Variants in DSTYK observed in about 807,000 individuals in gnomAD.
The protein encoded by DSTYK is dual serine/threonine and tyrosine protein kinase.
DSTYK carries 34 observed loss-of-function variants against 98.7 expected under a neutral mutation model. The ratio of observed to expected loss-of-function variants is 0.34; its 90% CI spans 0.26 to 0.46. DSTYK has a LOEUF of 0.46. Among genes scored for constraint, DSTYK ranks in the 20% least tolerant of loss-of-function variants. DSTYK has a pLI of 1.00. For missense variants in DSTYK, 962 were observed against 1,181.7 expected (o/e 0.81, Z 2.73); for synonymous variants, 462 against 457.3 (o/e 1.01, Z -0.13).
intron 1 of DSTYK, among the ~76,000 whole-genome samples, chr1:205,206,607 G>C (rs1478777159): frequency 7.5e-6 from 1 of 133,474 alleles, no homozygotes; most frequent in Non-Finnish European, 1.6e-5. Flanking sequence ...TTTAAAGACA[G>C]AGTCTTGCTT....
chr1:205,178,686 G>A (rs920575459), intron 2 of DSTYK, among the ~76,000 whole-genome samples: 4 of 152,188 alleles, frequency 2.6e-5, no homozygotes, highest in African/African-American at 9.6e-5. Flanking sequence ...GTGGATGATC[G>A]TCAGGGAAAG....
chr1:205,185,405 G>T (rs1191470715), intron 2 of DSTYK, among the ~76,000 whole-genome samples: 1 of 151,722 alleles, frequency 6.6e-6, no homozygotes, highest in Non-Finnish European at 1.5e-5. Context: ...TAGAGACAGG[G>T]TCTCACTATG....
chr1:205,207,990 C>T (rs993169973), intron 1 of DSTYK, among the ~76,000 whole-genome samples: 2 of 151,852 alleles, frequency 1.3e-5, no homozygotes, highest in Admixed American at 1.3e-4. Context: ...GATTCTCCTG[C>T]CTCAGCCTTC....
chr1:205,169,733 G>A lies in DSTYK; in HGVS notation c.754C>T (p.Leu252Phe). The A allele has an allele frequency of 6.2e-7, 1 of 1,614,240 alleles. No homozygotes were observed. ...CTCTCAGAGAGTTCATCTTTGTGGA[G>A]TGCATAGGTTATCACAGGCAAGAAA... The part of the protein sequence containing the change: ...NDFLPVITYA[L>F]HKDELSERDE... The change falls in exon 3 of 13, where the codon CTC becomes TTC. Residue 252 changes from leucine (L) to phenylalanine (F), a missense_variant. By Grantham distance (22) the Leu-to-Phe change is conservative. Around this residue, in one of 4 missense-constraint regions of DSTYK, gnomAD observed 660 missense variants for 855.0 expected, o/e 0.77. Coordinates refer to ENST00000367162, the MANE Select transcript of DSTYK (RefSeq NM_015375.3). This position sits in a 1 kb window ranked among gnomAD's most constrained non-coding sequence, Gnocchi z 4.0.
chr1:205,188,275 T>C (rs1658614966), intron 1 of DSTYK, among the ~76,000 whole-genome samples: 1 of 152,214 alleles, frequency 6.6e-6, no homozygotes, highest in Non-Finnish European at 1.5e-5. Flanking sequence ...TGAACTCAGA[T>C]TACAGTCGTG....
At position 205,209,192 on chromosome 1, in the gene DSTYK, G is replaced by C. The variant is rs115965133; in HGVS notation, c.265+2079C>G. Among the ~76,000 whole-genome samples the C allele has an allele frequency of 3.3e-5, 5 of 152,242 alleles. No individual in the cohort carries two copies. In the East Asian group the frequency reaches 7.7e-4, roughly 23 times the overall value. ...GCCTTGAAAACCTCCATCTCTCTGAGGTTAATCAATTCTCTTTGTTTTAGA... is the reference window on the plus strand; with the variant it reads ...GCCTTGAAAACCTCCATCTCTCTGACGTTAATCAATTCTCTTTGTTTTAGA... On this transcript the variant is annotated intron_variant, in intron 1 of 12. Transcript: ENST00000367162.
At chr1:205,195,710 G>A (rs1558623630) in intron 1 of DSTYK, among the ~76,000 whole-genome samples, 1 of 152,220 alleles carries the variant, frequency 6.6e-6, no homozygotes. Flanking sequence ...TCAGGACCAC[G>A]TTAAGATCTC....
chr1:205,191,679 G>A (rs1370191312), intron 1 of DSTYK, among the ~76,000 whole-genome samples: 1 of 152,162 alleles, frequency 6.6e-6, no homozygotes, highest in Admixed American at 6.6e-5. Context: ...TATAACTGCA[G>A]AACAAAAAGT....
In DSTYK at chr1:205,206,287, T is replaced by G. The variant is rs113701727; in HGVS notation, c.265+4984A>C. Among the ~76,000 whole-genome samples the G allele has an allele frequency of 9.3e-3, 1,405 of 151,762 alleles. 33 individuals are homozygous for G. Among genetic ancestry groups the G allele is most frequent in the African/African-American group, 0.032 (1,344 of 41,470 alleles). On this transcript the variant is annotated intron_variant, in intron 1 of 12. Coordinates refer to ENST00000367162, the MANE Select transcript of DSTYK (RefSeq NM_015375.3). Reference sequence around the variant, plus strand: ...GGTTTTTTTTGGTTTTTTTTTTAGTTTTTTGTTTTTGAGACAGAGTCTCGC... The same window carrying G: ...GGTTTTTTTTGGTTTTTTTTTTAGTGTTTTGTTTTTGAGACAGAGTCTCGC...
chr1:205,199,667 T>C (rs774837865), intron 1 of DSTYK, among the ~76,000 whole-genome samples: 5 of 152,004 alleles, frequency 3.3e-5, no homozygotes, highest in African/African-American at 4.8e-5. Context: ...TGAGGTAAAA[T>C]AGAAAAACTG....
intron 2 of DSTYK, among the ~76,000 whole-genome samples, chr1:205,178,627 T>C (rs1202502436): frequency 6.6e-6 from 1 of 152,148 alleles, no homozygotes; most frequent in African/African-American, 2.4e-5. Flanking sequence ...GAAGAATAAC[T>C]ATAAGTAAGT....
chr1:205,169,206 C>G lies in DSTYK; in HGVS notation c.1281G>C (p.Met427Ile), dbSNP rs1192786268. Residue 427 changes from methionine to isoleucine, a missense_variant, in exon 3 of 13, where the codon ATG (methionine) becomes ATC (isoleucine). Met to Ile is a conservative substitution (Grantham distance 10). Coordinates refer to ENST00000367162, the MANE Select transcript of DSTYK (RefSeq NM_015375.3). This position sits in a 1 kb window ranked among gnomAD's most constrained non-coding sequence, Gnocchi z 4.0. The part of the protein sequence containing the change: ...KDMIVETLNT[M>I]KEELLDDATN... ...TAGCATCATCCAGAAGTTCCTCCTT[C>G]ATGGTATTAAGTGTCTCAACAATCA... 4.3e-6 allele frequency: 7 copies of G among 1,611,508 alleles called. No homozygotes were observed. Among genetic ancestry groups the G allele is most frequent in the Non-Finnish European group, 5.9e-6 (7 of 1,178,542 alleles).
intron 2 of DSTYK, among the ~76,000 whole-genome samples, chr1:205,185,253 A>G (rs1188203113): frequency 6.6e-6 from 1 of 152,224 alleles, no homozygotes; most frequent in Non-Finnish European, 1.5e-5. Flanking sequence ...AGGGACTAAG[A>G]GAAAAAAGTC....
rs962746435 is a variant in DSTYK at position 205,211,313 on chromosome 1, G to A, written c.223C>T (p.Arg75Cys). 38 of 1,609,330 alleles carry A rather than the reference G, an allele frequency of 2.4e-5. No individual in the cohort carries two copies. Among genetic ancestry groups the A allele is most frequent in the Non-Finnish European group, 3.1e-5 (37 of 1,178,368 alleles). The change falls in exon 1 of 13, where the codon CGC becomes TGC. Residue 75 changes from arginine (R) to cysteine (C), a missense_variant. By Grantham distance (180) the Arg-to-Cys change is radical. Coordinates refer to ENST00000367162, the MANE Select transcript of DSTYK (RefSeq NM_015375.3). ...SSLTGGGGAE[R>C]GPAGDVAETG... is the part of the protein sequence containing the mutation. ...TCGGCGACATCGCCTGCAGGGCCGCGCTCGGCCCCGCCGCCGCCCGTGAGG... is the reference window on the plus strand; with the variant it reads ...TCGGCGACATCGCCTGCAGGGCCGCACTCGGCCCCGCCGCCGCCCGTGAGG...
intron 1 of DSTYK, among the ~76,000 whole-genome samples, chr1:205,208,939 G>C (rs975135732): frequency 1.3e-5 from 2 of 152,120 alleles, no homozygotes; most frequent in African/African-American, 4.8e-5. Context: ...ACGCTGAAAG[G>C]AAGAAAAGCA....
chr1:205,197,969 G>A (rs956675237), intron 1 of DSTYK, among the ~76,000 whole-genome samples: 8 of 152,162 alleles, frequency 5.3e-5, no homozygotes, highest in African/African-American at 1.4e-4. Flanking sequence ...TGAGGCGGGC[G>A]GATCACCTGA....
In DSTYK at chr1:205,157,261, G is replaced by A; in HGVS notation, c.2352+12C>T. Reference sequence around the variant, plus strand: ...GGTAGGGTATAATCTTGGGGAAACAGCTTTTACTTACCAGCACATTTTTCA... The same window carrying A: ...GGTAGGGTATAATCTTGGGGAAACAACTTTTACTTACCAGCACATTTTTCA... On this transcript the variant is annotated intron_variant, in intron 10 of 12. Coordinates refer to ENST00000367162, the MANE Select transcript of DSTYK (RefSeq NM_015375.3). The A allele has an allele frequency of 1.2e-6, 2 of 1,611,340 alleles. No homozygotes were observed. Among genetic ancestry groups the A allele is most frequent in the Non-Finnish European group, 1.7e-6 (2 of 1,177,470 alleles).
chr1:205,157,360 C>G lies in DSTYK; in HGVS notation c.2265G>C (p.Leu755Phe). The part of the protein sequence containing the change: ...LKAGLTLETR[L>F]QIALDVVEGI... ...CCTCCACCACATCTAGTGCTATCTG[C>G]AAACGTGTCTCCAGGGTCAGCCCAG... Residue 755 changes from leucine to phenylalanine, a missense_variant, in exon 10 of 13, where the codon TTG (leucine) becomes TTC (phenylalanine). By Grantham distance (22) the Leu-to-Phe change is conservative (BLOSUM62 0). Coordinates refer to ENST00000367162, the MANE Select transcript of DSTYK (RefSeq NM_015375.3). 1 of 1,614,146 alleles carries G rather than the reference C, an allele frequency of 6.2e-7. No homozygotes were observed. The highest frequency in any genetic ancestry group is 8.5e-7 in the Non-Finnish European group (1 of 1,180,010).
Position 205,169,542 on chromosome 1 carries a change from G to A in DSTYK, c.945C>T (p.Ser315=). 1.2e-6 allele frequency: 2 copies of A among 1,614,184 alleles called. No individual in the cohort carries two copies. The highest frequency in any genetic ancestry group is 1.7e-6 in the Non-Finnish European group (2 of 1,180,040). The part of the protein sequence containing the change: ...RQLIDLGYLS[S]SHWNCGAPGQ... ...CAGGAGCCCCACAGTTCCAGTGACT[G>A]CTGCTCAGATAGCCCAGGTCAATTA... Residue 315 remains serine, a synonymous_variant, in exon 3 of 13, where the codon AGC becomes AGT. Transcript: ENST00000367162. The surrounding 1 kb of genome is among the most constrained non-coding windows in gnomAD (Gnocchi z 4.0).
Sources: gnomAD v4.1 joint callset for allele counts (sites outside exome capture counted in the v4.1 genomes callset) on GRCh38, gnomAD v4.1.1 for gene constraint, gnomAD v4.1.1 regional missense constraint, Gnocchi (gnomAD v3.1) non-coding constraint, MANE v1.5 for transcripts, NCBI Gene and HGNC (gene_info 2026-07-23, HGNC 2026-07-21) for gene names.